Variants in ZFPM1 observed in about 807,000 individuals in gnomAD.
ZFPM1 encodes zinc finger protein ZFPM1.
ZFPM1 carries 28 observed loss-of-function variants against 46.3 expected under a neutral mutation model. The ratio of observed to expected loss-of-function variants is 0.60; its 90% CI spans 0.45 to 0.83. The LOEUF (loss-of-function observed/expected upper bound fraction) is 0.83. Ranked by LOEUF, ZFPM1 falls within the 40% of genes least tolerant of loss-of-function variation. ZFPM1 has a pLI of 0.00. For missense variants in ZFPM1, 1,878 were observed against 1,432.4 expected (o/e 1.31, Z -5.02); for synonymous variants, 957 against 675.9 (o/e 1.42, Z -6.45).
Position 88,513,998 on chromosome 16 carries a change from G to A in ZFPM1, c.269-389G>A, listed in dbSNP as rs116837044. Among the ~76,000 whole-genome samples the A allele has an allele frequency of 7.8e-3, 1,184 of 152,310 alleles. 12 individuals are homozygous for A. The highest frequency in any genetic ancestry group is 0.027 in the African/African-American group (1,134 of 41,570). ...AGACCCTTTTTCCAAATATCAGCAC[G>A]TTCATAGACTGCAGGCTGATGTATC... On this transcript the variant is annotated intron_variant, in intron 3 of 9. Transcript: ENST00000319555.
Position 88,461,156 on chromosome 16 carries a change from G to T in ZFPM1, c.40+7478G>T, listed in dbSNP as rs1479473286. On this transcript the variant is annotated intron_variant, in intron 1 of 9. Coordinates refer to ENST00000319555, the MANE Select transcript of ZFPM1 (RefSeq NM_153813.3). ...CGGGAGACCTGGTGAGGACCGAGGGGCGGGAGACCTGGTGAGGACCGAGGG... is the reference window on the plus strand; with the variant it reads ...CGGGAGACCTGGTGAGGACCGAGGGTCGGGAGACCTGGTGAGGACCGAGGG... Among the ~76,000 whole-genome samples, 2 of 131,004 alleles carry T rather than the reference G, an allele frequency of 1.5e-5. 1 individual carries two copies. Among genetic ancestry groups the T allele is most frequent in the African/African-American group, 7.0e-5 (2 of 28,684 alleles). 85.9% of individuals were successfully genotyped at this position (131,004 alleles called of 152,430 possible). A position where few individuals can be genotyped will look rare whatever the true frequency, so the allele number is the denominator to read the frequency against.
intron 2 of ZFPM1, among the ~76,000 whole-genome samples, chr16:88,487,327 C>T (rs1190834932): frequency 6.6e-6 from 1 of 152,248 alleles, no homozygotes; most frequent in Non-Finnish European, 1.5e-5. Flanking sequence ...ATACCTACCC[C>T]ATGCCATGAA....
At chr16:88,482,849 G>A (rs887801078) in intron 1 of ZFPM1, among the ~76,000 whole-genome samples, 12 of 152,186 alleles carry the variant, frequency 7.9e-5, no homozygotes, top group Admixed American at 4.6e-4. Context: ...TGATCGTTCC[G>A]CGTGCTCCCG....
chr16:88,462,489 T>G (rs1907943345), intron 1 of ZFPM1, among the ~76,000 whole-genome samples: 1 of 152,226 alleles, frequency 6.6e-6, no homozygotes, highest in Non-Finnish European at 1.5e-5. Context: ...ACAGTGGTGC[T>G]CTGGCTGTGG....
chr16:88,460,711 T>G (rs952741942), intron 1 of ZFPM1, among the ~76,000 whole-genome samples: 7 of 152,156 alleles, frequency 4.6e-5, no homozygotes, highest in Non-Finnish European at 1.5e-5. Flanking sequence ...CGAGCTGTGT[T>G]GGGTAGTCTA....
Position 88,453,436 on chromosome 16 carries a change from C to G in ZFPM1, c.-203C>G, listed in dbSNP as rs1907375696. On this transcript the variant is annotated 5_prime_UTR_variant, in exon 1 of 10. Coordinates refer to ENST00000319555, the MANE Select transcript of ZFPM1 (RefSeq NM_153813.3). ...TCGGGCAGTCCGCGCGCCCGCAACG[C>G]AGGACCGTGGCCTCTCGGGCCTCCG... 2 of 152,976 alleles carry G rather than the reference C, an allele frequency of 1.3e-5. No individual in the cohort carries two copies. Among genetic ancestry groups the G allele is most frequent in the East Asian group, 4.0e-4 (2 of 4,970 alleles). 9.5% of individuals were successfully genotyped at this position (152,976 alleles called of 1,614,324 possible).
intron 3 of ZFPM1, among the ~76,000 whole-genome samples, chr16:88,507,582 C>T (rs953406986): frequency 2.6e-5 from 4 of 152,202 alleles, no homozygotes; most frequent in Non-Finnish European, 4.4e-5. Flanking sequence ...GGACGGTGCT[C>T]AGCCACTGTC....
chr16:88,505,121 G>T (rs1567543084), intron 3 of ZFPM1, among the ~76,000 whole-genome samples: 1 of 152,186 alleles, frequency 6.6e-6, no homozygotes, highest in Non-Finnish European at 1.5e-5. Flanking sequence ...GGTGGGCGGG[G>T]CGAGGCTGGG....
At position 88,528,334 on chromosome 16, in the gene ZFPM1, G is replaced by C. The variant is rs1912512980; in HGVS notation, c.712+96G>C. On this transcript the variant is annotated intron_variant, in intron 6 of 9. Transcript: ENST00000319555. The stretch of plus-strand genomic sequence containing the variant: ...GGGAGCTGAGGGTGGGAAGCTCGGG[G>C]GCTGCAGGCTGCCGACAGAGTGAGA... 4.5e-6 allele frequency: 6 copies of C among 1,319,962 alleles called. No homozygotes were observed. The East Asian group carries it at 7.7e-5, about 17-fold the overall frequency. The allele number at this position is 1,319,962 out of a possible 1,614,324, so 81.8% of individuals were successfully genotyped here.
At chr16:88,506,762 C>CT (rs2142412725) in intron 3 of ZFPM1, among the ~76,000 whole-genome samples, 1 of 152,268 alleles carries the variant, frequency 6.6e-6, no homozygotes, top group South Asian at 2.1e-4. Context: ...CTGAGGGGCG[C>CT]TGGGGGGACC....
chr16:88,514,480 G>C lies in ZFPM1; in HGVS notation c.362G>C (p.Ser121Thr), dbSNP rs746129601. The C allele has an allele frequency of 7.2e-5, 113 of 1,564,550 alleles. No individual in the cohort carries two copies. In the Admixed American group the frequency reaches 2.0e-3, roughly 27 times the overall value. ...CTGTCCTGGGGCCCGTTCCATGGGA[G>C]TGTCCAGACCAGAGCCTCATCCCCC... is the stretch of plus-strand genomic sequence containing the variant. ...TGLSWGPFHG[S>T]VQTRASSPRQ... The change falls in exon 4 of 10, where the codon AGT (serine) becomes ACT (threonine). Residue 121 changes from serine (S) to threonine (T), a missense_variant. By Grantham distance (58) the Ser-to-Thr change is moderately conservative. Transcript: ENST00000319555.
intron 7 of ZFPM1, 31 bp from the exon 8 acceptor site, chr16:88,532,583 G>A (rs572292391): frequency 8.4e-6 from 13 of 1,546,020 alleles, no homozygotes; most frequent in Admixed American, 2.0e-5. Context: ...AAGCTGGCCC[G>A]GGCACCGCTC....
At position 88,528,246 on chromosome 16, in the gene ZFPM1, C is replaced by G; in HGVS notation, c.712+8C>G. On this transcript the variant is annotated splice_region_variant and intron_variant, in intron 6 of 9. Transcript: ENST00000319555. ...CCACCGCAGTGATCAACAGTAAGTG[C>G]TGGGCTCTCCGCACCCAGGGCGGCT... The G allele has an allele frequency of 1.3e-6, 2 of 1,590,216 alleles. No individual in the cohort carries two copies. The highest frequency in any genetic ancestry group is 8.6e-7 in the Non-Finnish European group (1 of 1,165,522).
chr16:88,452,925 G>A (rs890615551), upstream of ZFPM1, among the ~76,000 whole-genome samples: 11 of 152,206 alleles, frequency 7.2e-5, no homozygotes, highest in African/African-American at 2.7e-4. Context: ...AAAGAGGAGT[G>A]GGGGAGGCTA....
At chr16:88,490,982 C>T (rs1909532897) in intron 3 of ZFPM1, among the ~76,000 whole-genome samples, 1 of 150,814 alleles carries the variant, frequency 6.6e-6, no homozygotes, top group Non-Finnish European at 1.5e-5. Flanking sequence ...GCCCAGGACA[C>T]ACCTGTCGGG....
intron 3 of ZFPM1, among the ~76,000 whole-genome samples, chr16:88,506,522 T>C (rs1363231916): frequency 2.6e-5 from 4 of 152,098 alleles, no homozygotes; most frequent in African/African-American, 4.8e-5. Flanking sequence ...GCAGGGCAGG[T>C]TGTGCACTGA....
At chr16:88,525,778 C>G (rs1912265384) in intron 4 of ZFPM1, among the ~76,000 whole-genome samples, 1 of 152,240 alleles carries the variant, frequency 6.6e-6, no homozygotes, top group Non-Finnish European at 1.5e-5. Context: ...CCCGCCCCAC[C>G]TCGCCCTGTC....
rs1597292168 is a variant in ZFPM1 at position 88,533,906 on chromosome 16, G to A, written c.1948G>A (p.Gly650Ser). The change falls in exon 10 of 10, where the codon GGC becomes AGC. Residue 650 changes from glycine to serine, a missense_variant. Coordinates refer to ENST00000319555, the MANE Select transcript of ZFPM1 (RefSeq NM_153813.3). ...GPGAREEGAGGAATPEDGAGG... is the reference protein window; with the variant it reads ...GPGAREEGAGSAATPEDGAGG... The stretch of plus-strand genomic sequence containing the variant: ...CGGAGCGCGCGAGGAGGGGGCTGGG[G>A]GCGCGGCCACGCCCGAGGACGGCGC... The A allele has an allele frequency of 9.0e-6, 10 of 1,115,568 alleles. No individual in the cohort carries two copies. Among genetic ancestry groups the A allele is most frequent in the African/African-American group, 1.7e-5 (1 of 57,754 alleles). The allele number at this position is 1,115,568 out of a possible 1,614,324, so 69.1% of individuals were successfully genotyped here. A position where few individuals can be genotyped will look rare whatever the true frequency, so the allele number is the denominator to read the frequency against.
In ZFPM1 at chr16:88,480,773, T is replaced by A. The variant is rs1294007141; in HGVS notation, c.41-5166T>A. ...TCAGACTCCTCATCCACAGCCCCCATCTGCGCCCCACCTGGCATGTCCACC... is the reference window on the plus strand; with the variant it reads ...TCAGACTCCTCATCCACAGCCCCCAACTGCGCCCCACCTGGCATGTCCACC... On this transcript the variant is annotated intron_variant, in intron 1 of 9. Transcript: ENST00000319555. This position sits in a 1 kb window ranked among gnomAD's most constrained non-coding sequence, Gnocchi z 4.9. Among the ~76,000 whole-genome samples the A allele has an allele frequency of 6.6e-6, 1 of 152,078 alleles. No individual in the cohort carries two copies. Among genetic ancestry groups the A allele is most frequent in the Admixed American group, 6.5e-5 (1 of 15,274 alleles).
Sources: allele counts gnomAD v4.1 joint callset (sites outside exome capture counted in the v4.1 genomes callset), GRCh38; gene constraint gnomAD v4.1.1; non-coding constraint Gnocchi (gnomAD v3.1); transcripts MANE v1.5; gene names NCBI Gene and HGNC (gene_info 2026-07-23, HGNC 2026-07-21).